The following PRKD1 variants were observed in gnomAD, a reference collection of about 807,000 sequenced individuals.
The protein encoded by PRKD1 is protein kinase D1.
A neutral mutation model predicts 95.9 loss-of-function variants in PRKD1; 63 were observed. The ratio of observed to expected loss-of-function variants is 0.66; its 90% CI spans 0.54 to 0.81. PRKD1 has a LOEUF of 0.81. Among genes scored for constraint, PRKD1 ranks in the 30% least tolerant of loss-of-function variants. PRKD1 has a pLI of 0.00. For synonymous variants in PRKD1, 425 were observed against 423.1 expected (o/e 1.00, Z -0.05); for missense variants, 1,048 against 1,165.3 (o/e 0.90, Z 1.47).
intron 1 of PRKD1, among the ~76,000 whole-genome samples, chr14:29,793,057 C>G (rs1889618180): frequency 6.6e-6 from 1 of 151,902 alleles, no homozygotes; most frequent in African/African-American, 2.4e-5. Context: ...AAATGACAAT[C>G]TGCAGATTAT....
At chr14:29,595,537 A>G (rs1337502977) in intron 16 of PRKD1, among the ~76,000 whole-genome samples, 1 of 152,224 alleles carries the variant, frequency 6.6e-6, no homozygotes, top group Non-Finnish European at 1.5e-5. Context: ...TGATTTCCCA[A>G]CAAGTGTTTC....
At chr14:29,760,307 T>C (rs971896056) in intron 1 of PRKD1, among the ~76,000 whole-genome samples, 8 of 152,000 alleles carry the variant, frequency 5.3e-5, no homozygotes, top group Non-Finnish European at 8.8e-5. Flanking sequence ...TTGAATTCAA[T>C]TTCAGATGAC....
intron 1 of PRKD1, among the ~76,000 whole-genome samples, chr14:29,916,993 C>A (rs767316865): frequency 1.3e-5 from 2 of 152,020 alleles, no homozygotes; most frequent in Non-Finnish European, 2.9e-5. Context: ...CCCAAGAGGC[C>A]CTACCAGAAC....
intron 10 of PRKD1, 132 bp downstream of exon 10, chr14:29,630,610 T>C: frequency 4.3e-6 from 5 of 1,172,496 alleles, no homozygotes; most frequent in South Asian, 3.0e-5. Context: ...CACCCTACAT[T>C]CTACAATAAA....
chr14:29,853,265 T>C (rs1005150872), intron 1 of PRKD1, among the ~76,000 whole-genome samples: 3 of 152,224 alleles, frequency 2.0e-5, no homozygotes, highest in Non-Finnish European at 4.4e-5. Flanking sequence ...AAGGGAGACA[T>C]AGAAAGTCCT....
At chr14:29,899,781 C>T (rs1379429691) in intron 1 of PRKD1, among the ~76,000 whole-genome samples, 1 of 152,186 alleles carries the variant, frequency 6.6e-6, no homozygotes, top group Non-Finnish European at 1.5e-5. Context: ...ATGTGCAAAG[C>T]ACTATGATAT....
intron 1 of PRKD1, among the ~76,000 whole-genome samples, chr14:29,803,823 C>CAAAAAAA (rs1355694989): frequency 6.6e-6 from 1 of 152,198 alleles, no homozygotes; most frequent in Non-Finnish European, 1.5e-5. Context: ...TTAACATCTG[C>CAAAAAAA]AACTGGGTTC....
chr14:29,707,985 G>A (rs1048470142), intron 2 of PRKD1, among the ~76,000 whole-genome samples: 11 of 152,098 alleles, frequency 7.2e-5, no homozygotes, highest in Non-Finnish European at 1.3e-4. Flanking sequence ...TCTAACAGCA[G>A]CTCCTTGACC....
At chr14:29,880,513 T>C (rs907031734) in intron 1 of PRKD1, among the ~76,000 whole-genome samples, 3 of 152,228 alleles carry the variant, frequency 2.0e-5, no homozygotes, top group Non-Finnish European at 4.4e-5. Context: ...GAACCTCTGC[T>C]AGGGCAGTGC....
chr14:29,797,951 G>A (rs1321599151), intron 1 of PRKD1, among the ~76,000 whole-genome samples: 1 of 152,110 alleles, frequency 6.6e-6, no homozygotes, highest in Non-Finnish European at 1.5e-5. Flanking sequence ...ATATATACCA[G>A]TAATTCAATC....
intron 1 of PRKD1, among the ~76,000 whole-genome samples, chr14:29,759,701 CAG>C (rs1045954789): frequency 6.6e-6 from 1 of 152,138 alleles, no homozygotes; most frequent in Non-Finnish European, 1.5e-5. Flanking sequence ...ACCAAGCAAA[CAG>C]AAAATGTGAG....
chr14:29,924,372 C>T (rs1895225209), intron 1 of PRKD1, among the ~76,000 whole-genome samples: 1 of 152,154 alleles, frequency 6.6e-6, no homozygotes, highest in Non-Finnish European at 1.5e-5. Context: ...AACAACTATA[C>T]TCTAAATTCT....
intron 17 of PRKD1, 144 bp downstream of exon 17, chr14:29,578,131 T>G (rs939234236): frequency 1.5e-6 from 1 of 677,324 alleles, no homozygotes; most frequent in Non-Finnish European, 2.5e-6. Flanking sequence ...TATTAAATCC[T>G]ATGAAGTTGC....
At chr14:29,666,877 AC>A (rs1218414402) in intron 2 of PRKD1, among the ~76,000 whole-genome samples, 27 of 152,138 alleles carry the variant, frequency 1.8e-4, no homozygotes, top group African/African-American at 6.5e-4. Flanking sequence ...ACCTTAATCA[AC>A]CATATTCATG....
In PRKD1 at chr14:29,626,420, C is replaced by T. The variant is rs567107175; in HGVS notation, c.1798+64G>A. ...TCTTCTATGTTTTTCCTGTAAATAT[C>T]GCTTTTTAAAATATAACTAGCAAAA... On this transcript the variant is annotated intron_variant, in intron 12 of 17. Transcript: ENST00000331968. 50 of 1,271,126 alleles carry T rather than the reference C, an allele frequency of 3.9e-5. No individual in the cohort carries two copies. The Middle Eastern group carries it at 8.3e-4, about 21-fold the overall frequency. 78.7% of individuals were successfully genotyped at this position (1,271,126 alleles called of 1,614,324 possible). A position where few individuals can be genotyped will look rare whatever the true frequency, so the allele number is the denominator to read the frequency against.
intron 4 of PRKD1, among the ~76,000 whole-genome samples, chr14:29,651,081 T>A (rs1456055029): frequency 6.6e-6 from 1 of 152,362 alleles, no homozygotes; most frequent in South Asian, 2.1e-4. Flanking sequence ...GCGCTGTGTG[T>A]GTCTGTGTGT....
chr14:29,769,887 T>TA (rs1406000610), intron 1 of PRKD1, among the ~76,000 whole-genome samples: 1 of 152,248 alleles, frequency 6.6e-6, no homozygotes, highest in Non-Finnish European at 1.5e-5. Flanking sequence ...TGCTATGATC[T>TA]AAACGTCTAT....
At chr14:29,896,604 T>C (rs563097470) in intron 1 of PRKD1, among the ~76,000 whole-genome samples, 2 of 151,880 alleles carry the variant, frequency 1.3e-5, no homozygotes, top group South Asian at 2.1e-4. Context: ...ACAAACAAGA[T>C]ATGTGGCAAC....
chr14:29,736,753 T>C (rs139316755), intron 1 of PRKD1, among the ~76,000 whole-genome samples: 2 of 152,348 alleles, frequency 1.3e-5, no homozygotes, highest in African/African-American at 4.8e-5. Context: ...TTTATGCTGC[T>C]GTGTGTATCA....
Sources: allele counts gnomAD v4.1 joint callset (sites outside exome capture counted in the v4.1 genomes callset), GRCh38; gene constraint gnomAD v4.1.1; transcripts MANE v1.5; gene names NCBI Gene and HGNC (gene_info 2026-07-23, HGNC 2026-07-21).